Variants in GLT1D1 observed in about 807,000 individuals in gnomAD.
GLT1D1 encodes the protein glycosyltransferase 1 domain containing 1.
Under a neutral mutation model 28.7 loss-of-function variants are expected in GLT1D1, and 21 were observed. The ratio of observed to expected loss-of-function variants is 0.73; its 90% CI spans 0.52 to 1.05. GLT1D1 has a LOEUF of 1.05. GLT1D1 is among the 50% of genes least tolerant of loss of function. GLT1D1 has a pLI of 0.00. For missense variants in GLT1D1, 343 were observed against 330.6 expected, an observed-to-expected ratio of 1.04 and a Z score of -0.29; for synonymous variants, 147 against 124.8, an observed-to-expected ratio of 1.18 and a Z score of -1.19.
chr12:128,883,712 C>T (rs1417366443), intron 2 of GLT1D1, among the ~76,000 whole-genome samples: 1 of 152,114 alleles, frequency 6.6e-6, no homozygotes, highest in Admixed American at 6.6e-5. Context: ...GAATAAGACC[C>T]TTACGTGGGT....
At chr12:128,971,458 A>ATCCCTCCCTCTGGCTCCC (rs1365832207) in intron 7 of GLT1D1, among the ~76,000 whole-genome samples, 10 of 35,990 alleles carry the variant, frequency 2.8e-4, no homozygotes, top group Non-Finnish European at 3.7e-4. Context: ...CTCTCCCTCC[A>ATCCCTCCCTCTGGCTCCC]TCCCTCCCTC....
In GLT1D1 at chr12:128,956,171, A is replaced by AAAAAAAAG. The variant is rs374597920; in HGVS notation, c.541-1373_541-1372insAAAAAAGA. 5.3e-4 allele frequency among the ~76,000 whole-genome samples: 34 copies of AAAAAAAAG among 63,986 alleles called. 7 individuals are homozygous for AAAAAAAAG. The highest frequency in any genetic ancestry group is 1.2e-3 in the Non-Finnish European group (33 of 28,330). 42.0% of individuals were successfully genotyped at this position (63,986 alleles called of 152,430 possible). ...GAGACTCCATCTCAAAAAAAAAAAAAAGAGAAAGAGAGAAAGAAAGAAAGA... is the reference window on the plus strand; with the variant it reads ...GAGACTCCATCTCAAAAAAAAAAAAAAAAAAAAGAGAGAAAGAGAGAAAGAAAGAAAGA... On this transcript the variant is annotated intron_variant, in intron 6 of 7. Coordinates refer to ENST00000281703, the MANE Select transcript of GLT1D1 (RefSeq NM_144669.3).
At chr12:128,866,642 A>G (rs1210001499) in intron 1 of GLT1D1, among the ~76,000 whole-genome samples, 1 of 137,392 alleles carries the variant, frequency 7.3e-6, no homozygotes, top group Non-Finnish European at 1.5e-5. Flanking sequence ...TTTTCTTGAG[A>G]CCAAGTCTCT....
At chr12:128,890,973 T>C (rs1868983270) in intron 3 of GLT1D1, among the ~76,000 whole-genome samples, 1 of 152,000 alleles carries the variant, frequency 6.6e-6, no homozygotes, top group African/African-American at 2.4e-5. Flanking sequence ...CACTCCAGCC[T>C]GGGAGACAGA....
intron 3 of GLT1D1, 100 bp downstream of exon 3, chr12:128,888,844 A>C (rs1197145157): frequency 1.4e-6 from 1 of 733,396 alleles, no homozygotes; most frequent in East Asian, 2.7e-5. Context: ...GGGAAGGTTT[A>C]CATCTTAGCA....
intron 1 of GLT1D1, among the ~76,000 whole-genome samples, chr12:128,863,928 A>C (rs1331728992): frequency 2.1e-5 from 3 of 144,564 alleles, no homozygotes; most frequent in African/African-American, 5.2e-5. Context: ...CCTGGGCGAC[A>C]GAGCAAGACT....
intron 3 of GLT1D1, among the ~76,000 whole-genome samples, chr12:128,897,869 G>A (rs186487598): frequency 3.3e-5 from 5 of 151,878 alleles, no homozygotes; most frequent in East Asian, 3.9e-4. Context: ...GGGGTTTCAC[G>A]GTGTTAGCCA....
intron 4 of GLT1D1, among the ~76,000 whole-genome samples, chr12:128,941,966 T>G (rs909696386): frequency 3.4e-5 from 5 of 148,690 alleles, no homozygotes. Flanking sequence ...GCTGGGCTCA[T>G]AGTACCATTT....
At chr12:128,915,852 C>A (rs189717230) in intron 4 of GLT1D1, among the ~76,000 whole-genome samples, 2 of 152,264 alleles carry the variant, frequency 1.3e-5, no homozygotes, top group Admixed American at 6.5e-5. Context: ...GTGAACTCAT[C>A]CTTTTTTTAA....
chr12:128,886,161 C>A (rs2135823280), intron 2 of GLT1D1, among the ~76,000 whole-genome samples: 1 of 152,322 alleles, frequency 6.6e-6, no homozygotes, highest in Middle Eastern at 3.4e-3. Context: ...GTCTCCCCAG[C>A]CACATGGAAC....
intron 2 of GLT1D1, among the ~76,000 whole-genome samples, chr12:128,879,713 TC>T (rs1318041132): frequency 1.3e-5 from 2 of 152,130 alleles, no homozygotes; most frequent in Non-Finnish European, 2.9e-5. Flanking sequence ...CGCCTCGGCC[TC>T]CCAAAGTGCT....
chr12:128,951,335 G>A (rs910661521), intron 6 of GLT1D1, among the ~76,000 whole-genome samples: 36 of 152,160 alleles, frequency 2.4e-4, no homozygotes, highest in Admixed American at 2.4e-3. Context: ...CCTGGTAGGC[G>A]AAGGTTGCAG....
chr12:128,872,243 C>T (rs1166849931), intron 1 of GLT1D1, among the ~76,000 whole-genome samples: 3 of 152,286 alleles, frequency 2.0e-5, no homozygotes, highest in African/African-American at 4.8e-5. Flanking sequence ...CGCGCCTGGC[C>T]GATTCAAGGG....
chr12:128,914,489 G>A (rs994590518), intron 4 of GLT1D1, among the ~76,000 whole-genome samples: 13 of 152,154 alleles, frequency 8.5e-5, no homozygotes, highest in South Asian at 2.1e-4. Flanking sequence ...AGCATCGAGC[G>A]GCTTTATAAA....
rs138457706 is a variant in GLT1D1 at position 128,874,480 on chromosome 12, C to CTTTT, written c.69-1417_69-1414dup. Among the ~76,000 whole-genome samples, 134 of 106,750 alleles carry CTTTT rather than the reference C, an allele frequency of 1.3e-3. 1 individual carries two copies. Among genetic ancestry groups the CTTTT allele is most frequent in the South Asian group, 3.0e-3 (8 of 2,676 alleles). 70.0% of individuals were successfully genotyped at this position (106,750 alleles called of 152,430 possible). A position where few individuals can be genotyped will look rare whatever the true frequency, so the allele number is the denominator to read the frequency against. On this transcript the variant is annotated intron_variant, in intron 1 of 7. Coordinates refer to ENST00000281703, the MANE Select transcript of GLT1D1 (RefSeq NM_144669.3). ...TACAGGCTTGAGCCACTGTGGCTGG[C>CTTTT]TTTTTTTTTTTTTTTTTTTTGAGAC...
chr12:128,855,639 A>G (rs1956199045), intron 1 of GLT1D1, among the ~76,000 whole-genome samples: 1 of 152,100 alleles, frequency 6.6e-6, no homozygotes, highest in Non-Finnish European at 1.5e-5. Context: ...TTGCACAAGC[A>G]AGAATTCAGG....
intron 1 of GLT1D1, among the ~76,000 whole-genome samples, chr12:128,857,822 T>C (rs1956260416): frequency 6.6e-6 from 1 of 152,208 alleles, no homozygotes; most frequent in African/African-American, 2.4e-5. Flanking sequence ...AAGTTGGTCA[T>C]TGTAAAGCAA....
At chr12:128,973,160 T>C (rs1453405001) in intron 7 of GLT1D1, among the ~76,000 whole-genome samples, 1 of 150,786 alleles carries the variant, frequency 6.6e-6, no homozygotes, top group African/African-American at 2.4e-5. Flanking sequence ...TTGTCTTTTC[T>C]GTTTTGTTTG....
At position 128,919,992 on chromosome 12, in the gene GLT1D1, C is replaced by CT. The variant is rs1566133496; in HGVS notation, c.375+20705_375+20706insT. On this transcript the variant is annotated intron_variant, in intron 4 of 7. Transcript: ENST00000281703. The stretch of plus-strand genomic sequence containing the variant: ...CTCTCTCTCTCTCTCTCTCTCTCTC[C>CT]CCCTCCATCTCTCTCTCTATCTCTC... Among the ~76,000 whole-genome samples, 211 of 21,998 alleles carry CT rather than the reference C, an allele frequency of 9.6e-3. 16 individuals carry two copies. The highest frequency in any genetic ancestry group is 0.036 in the African/African-American group (206 of 5,768). The allele number at this position is 21,998 out of a possible 152,430, so 14.4% of individuals were successfully genotyped here.
Sources: allele counts gnomAD v4.1 joint callset (sites outside exome capture counted in the v4.1 genomes callset), GRCh38; gene constraint gnomAD v4.1.1; transcripts MANE v1.5; gene names NCBI Gene and HGNC (gene_info 2026-07-23, HGNC 2026-07-21).